The following AGBL1 variants were observed in gnomAD, a reference collection of about 807,000 sequenced individuals.
AGBL1 encodes the protein AGBL carboxypeptidase 1, also known as cytosolic carboxypeptidase 4.
A neutral mutation model predicts 118.9 loss-of-function variants in AGBL1; 130 were observed. The ratio of observed to expected loss-of-function variants is 1.09; its 90% CI spans 0.95 to 1.26. The LOEUF is 1.26. AGBL1 is among the 50% of genes most tolerant of loss of function. The pLI is 0.00. For missense variants in AGBL1, 1,584 were observed against 1,298.1 expected (o/e 1.22, Z -3.38); for synonymous variants, 555 against 478.9 (o/e 1.16, Z -2.08).
intron 22 of AGBL1, among the ~76,000 whole-genome samples, chr15:86,695,393 A>G (rs764644371): frequency 3.9e-5 from 6 of 152,036 alleles, no homozygotes; most frequent in Non-Finnish European, 7.4e-5. Flanking sequence ...AGGTGTTCGT[A>G]GTAGCCCTGA....
chr15:86,279,737 T>C lies in AGBL1; in HGVS notation c.2174T>C (p.Val725Ala). 1 of 1,613,878 alleles carries C rather than the reference T, an allele frequency of 6.2e-7. No homozygotes were observed. The highest frequency in any genetic ancestry group is 8.5e-7 in the Non-Finnish European group (1 of 1,179,808). ...FAVTFPHSEDVCYLAYHYPYT... is the reference protein window; with the variant it reads ...FAVTFPHSEDACYLAYHYPYT... ...GTCACCTTCCCACACAGTGAGGATG[T>C]CTGCTACCTGGCCTACCACTATCCC... The change falls in exon 16 of 23, where the codon GTC becomes GCC. Residue 725 changes from valine to alanine, a missense_variant. Transcript: ENST00000614907.
At chr15:86,947,501 G>C (rs139166678) in intron 23 of AGBL1, among the ~76,000 whole-genome samples, 1 of 152,254 alleles carries the variant, frequency 6.6e-6, no homozygotes, top group East Asian at 1.9e-4. Context: ...GCCTGATCAT[G>C]GCTTCAGGGC....
intron 22 of AGBL1, among the ~76,000 whole-genome samples, chr15:86,697,411 GT>G (rs1233180812): frequency 2.0e-5 from 3 of 150,990 alleles, no homozygotes; most frequent in Non-Finnish European, 3.0e-5. Context: ...TACATTTTGC[GT>G]TTCTCTAAGT....
chr15:86,419,373 C>T (rs112138494), intron 18 of AGBL1, among the ~76,000 whole-genome samples: 2 of 152,114 alleles, frequency 1.3e-5, no homozygotes, highest in Non-Finnish European at 2.9e-5. Context: ...GAAACTCCCT[C>T]GTAGCCAAGG....
intron 6 of AGBL1, among the ~76,000 whole-genome samples, chr15:86,235,687 T>A (rs2078529270): frequency 6.7e-6 from 1 of 148,372 alleles, no homozygotes; most frequent in South Asian, 2.2e-4. Flanking sequence ...ATATATACAA[T>A]CTCATTTAAT....
chr15:86,825,336 T>G (rs1013328362), intron 22 of AGBL1, among the ~76,000 whole-genome samples: 3 of 123,096 alleles, frequency 2.4e-5, no homozygotes, highest in Non-Finnish European at 3.3e-5. Flanking sequence ...TTAAACACTT[T>G]CTTTTTTGTA....
Position 86,330,977 on chromosome 15 carries a change from G to A in AGBL1, c.2374+35569G>A, listed in dbSNP as rs192015022. Among the ~76,000 whole-genome samples the A allele has an allele frequency of 2.0e-3, 311 of 152,242 alleles. 2 individuals are homozygous for A. The highest frequency in any genetic ancestry group is 7.2e-3 in the African/African-American group (299 of 41,554). ...GCGGTAGCTCATGTCTGTAATCCTG[G>A]CACTTTGGGAGGCCAAGGCAGGTGG... On this transcript the variant is annotated intron_variant, in intron 17 of 22. Coordinates refer to ENST00000614907, the MANE Select transcript of AGBL1 (RefSeq NM_001386094.1).
At chr15:86,504,584 T>A (rs543273176) in intron 18 of AGBL1, among the ~76,000 whole-genome samples, 1 of 151,792 alleles carries the variant, frequency 6.6e-6, no homozygotes, top group South Asian at 2.1e-4. Context: ...TGAATTCTTT[T>A]ATAACTGCCT....
intron 5 of AGBL1, among the ~76,000 whole-genome samples, chr15:86,174,822 A>G (rs1232771195): frequency 1.3e-5 from 2 of 152,130 alleles, no homozygotes; most frequent in African/African-American, 2.4e-5. Flanking sequence ...ATGTTGAACC[A>G]TCCTTGCACT....
intron 11 of AGBL1, among the ~76,000 whole-genome samples, chr15:86,265,297 T>C (rs926978733): frequency 5.3e-5 from 8 of 152,296 alleles, no homozygotes; most frequent in African/African-American, 1.9e-4. Context: ...CTAGCTATTA[T>C]AGACCCTGGC....
intron 6 of AGBL1, among the ~76,000 whole-genome samples, chr15:86,247,351 T>A (rs1281198141): frequency 6.6e-6 from 1 of 152,202 alleles, no homozygotes; most frequent in Non-Finnish European, 1.5e-5. Flanking sequence ...GTCAGGTATT[T>A]TGTAGCATGT....
At position 86,269,813 on chromosome 15, in the gene AGBL1, G is replaced by A. The variant is rs527531214; in HGVS notation, c.1839-106G>A. The A allele has an allele frequency of 6.8e-4, 867 of 1,273,112 alleles. 6 individuals are homozygous for A. Among genetic ancestry groups the A allele is most frequent in the South Asian group, 3.7e-3 (231 of 62,312 alleles). The allele number at this position is 1,273,112 out of a possible 1,614,324, so 78.9% of individuals were successfully genotyped here. Reference sequence around the variant, plus strand: ...AACTTACCAGCTGGCTGAGATCCTGGGTCTTAGATCTGTAACCCAGAAACT... The same window carrying A: ...AACTTACCAGCTGGCTGAGATCCTGAGTCTTAGATCTGTAACCCAGAAACT... On this transcript the variant is annotated intron_variant, in intron 13 of 22. Coordinates refer to ENST00000614907, the MANE Select transcript of AGBL1 (RefSeq NM_001386094.1).
intron 1 of AGBL1, among the ~76,000 whole-genome samples, chr15:86,124,419 T>C (rs1020741767): frequency 2.0e-5 from 3 of 152,120 alleles, no homozygotes; most frequent in South Asian, 2.1e-4. Flanking sequence ...GTCAGTTTTT[T>C]AGTTTTGACA....
intron 24 of AGBL1, among the ~76,000 whole-genome samples, chr15:86,992,635 C>T (rs897434505): frequency 6.6e-6 from 1 of 152,058 alleles, no homozygotes; most frequent in African/African-American, 2.4e-5. Flanking sequence ...CATAAATGGA[C>T]AGATGGCCAT....
In AGBL1 at chr15:86,301,845, G is replaced by C. The variant is rs146742491; in HGVS notation, c.2374+6437G>C. Among the ~76,000 whole-genome samples, 392 of 152,186 alleles carry C rather than the reference G, an allele frequency of 2.6e-3. 3 individuals are homozygous for C. Among genetic ancestry groups the C allele is most frequent in the African/African-American group, 9.0e-3 (374 of 41,552 alleles). On this transcript the variant is annotated intron_variant, in intron 17 of 22. Transcript: ENST00000614907. ...CACCTGTATAAACTCCACGTGCCTG[G>C]TGGTCTTGTATTGACACAGCTTTGC...
At chr15:86,315,410 A>G (rs2079986970) in intron 17 of AGBL1, among the ~76,000 whole-genome samples, 1 of 152,128 alleles carries the variant, frequency 6.6e-6, no homozygotes, top group Non-Finnish European at 1.5e-5. Context: ...ACATATGACT[A>G]TGGTAAAGCT....
At chr15:86,652,594 A>G (rs780754327) in intron 21 of AGBL1, among the ~76,000 whole-genome samples, 10 of 152,132 alleles carry the variant, frequency 6.6e-5, no homozygotes, top group Non-Finnish European at 1.3e-4. Context: ...AGACCTGCCT[A>G]AAACTAGCAT....
intron 22 of AGBL1, among the ~76,000 whole-genome samples, chr15:86,675,757 C>T (rs2085832525): frequency 1.3e-5 from 2 of 152,028 alleles, no homozygotes; most frequent in Admixed American, 6.6e-5. Context: ...GTAGGCATGC[C>T]TGGATTTTCT....
At chr15:86,408,494 G>T (rs1448307975) in intron 18 of AGBL1, among the ~76,000 whole-genome samples, 1 of 152,158 alleles carries the variant, frequency 6.6e-6, no homozygotes, top group Admixed American at 6.5e-5. Context: ...CTCTTCCTGG[G>T]AGCTGACAAA....
Sources: allele counts gnomAD v4.1 joint callset (sites outside exome capture counted in the v4.1 genomes callset), GRCh38; gene constraint gnomAD v4.1.1; transcripts MANE v1.5; gene names NCBI Gene and HGNC (gene_info 2026-07-23, HGNC 2026-07-21).